Variants in ARHGEF3 observed in about 807,000 individuals in gnomAD.
ARHGEF3 encodes the protein Rho guanine nucleotide exchange factor 3.
A neutral mutation model predicts 63.2 loss-of-function variants in ARHGEF3; 28 were observed. The ratio of observed to expected loss-of-function variants is 0.44; its 90% CI spans 0.33 to 0.61. The LOEUF is 0.61. Among genes scored for constraint, ARHGEF3 ranks in the 20% least tolerant of loss-of-function variants. The pLI, the probability that ARHGEF3 is intolerant of heterozygous loss-of-function variation, is 0.03. For synonymous variants in ARHGEF3, 266 were observed against 254.2 expected, an observed-to-expected ratio of 1.05 and a Z score of -0.44; for missense variants, 533 against 659.3, an observed-to-expected ratio of 0.81 and a Z score of 2.10.
intron 8 of ARHGEF3, among the ~76,000 whole-genome samples, chr3:56,736,625 T>C (rs2033641811): frequency 6.6e-6 from 1 of 152,226 alleles, no homozygotes; most frequent in African/African-American, 2.4e-5. Flanking sequence ...GTTCTGCATT[T>C]GTTTCTCAAA....
At chr3:57,042,673 TATATATA>T (rs1704246567) in intron 1 of ARHGEF3, among the ~76,000 whole-genome samples, 1 of 37,676 alleles carries the variant, frequency 2.7e-5, no homozygotes, top group African/African-American at 1.0e-4. Context: ...TATATATATA[TATATATA>T]TATATATATA....
At chr3:56,916,049 A>G (rs2041980040) in intron 3 of ARHGEF3, among the ~76,000 whole-genome samples, 1 of 152,072 alleles carries the variant, frequency 6.6e-6, no homozygotes, top group Admixed American at 6.6e-5. Flanking sequence ...TATGCACGCC[A>G]CTCAGCTCAC....
At chr3:56,870,680 T>C (rs1480547600) in intron 4 of ARHGEF3, among the ~76,000 whole-genome samples, 1 of 152,114 alleles carries the variant, frequency 6.6e-6, no homozygotes. Flanking sequence ...GCCACTCTGA[T>C]GGAAACTGTT....
At chr3:56,751,476 G>C in intron 4 of ARHGEF3, 80 bp from the exon 5 acceptor site, 1 of 1,175,522 alleles carries the variant, frequency 8.5e-7, no homozygotes, top group East Asian at 2.5e-5. Context: ...GCTCCTGAGA[G>C]GTCCTATCCA....
chr3:56,762,169 T>C (rs1210032092), intron 2 of ARHGEF3, among the ~76,000 whole-genome samples: 1 of 152,096 alleles, frequency 6.6e-6, no homozygotes, highest in Non-Finnish European at 1.5e-5. Context: ...CCACGGTAAC[T>C]AGAAGAGGCC....
intron 4 of ARHGEF3, among the ~76,000 whole-genome samples, chr3:56,840,234 TCAA>T (rs1489212569): frequency 6.6e-6 from 1 of 151,982 alleles, no homozygotes; most frequent in Non-Finnish European, 1.5e-5. Flanking sequence ...CCAACAACAG[TCAA>T]CAACAGGAAA....
At position 57,040,325 on chromosome 3, in the gene ARHGEF3, A is replaced by G. The variant is rs562328437; in HGVS notation, c.-27-5149T>C. Among the ~76,000 whole-genome samples the G allele has an allele frequency of 2.4e-3, 359 of 151,748 alleles. 1 individual carries two copies. The highest frequency in any genetic ancestry group is 4.2e-3 in the Non-Finnish European group (285 of 67,842). On this transcript the variant is annotated intron_variant, in intron 1 of 12. Transcript: ENST00000338458. ...ACCCCATCTCTACTAAAAATACAAAAAATTAGCCAGCCGTGGTGGCACGCA... is the reference window on the plus strand; with the variant it reads ...ACCCCATCTCTACTAAAAATACAAAGAATTAGCCAGCCGTGGTGGCACGCA...
intron 3 of ARHGEF3, among the ~76,000 whole-genome samples, chr3:56,904,766 G>T (rs1324144628): frequency 6.6e-6 from 1 of 151,984 alleles, no homozygotes; most frequent in Non-Finnish European, 1.5e-5. Context: ...GGACTCCTAG[G>T]GCTCCTCAGA....
chr3:56,859,314 T>C (rs1246887867), intron 4 of ARHGEF3, among the ~76,000 whole-genome samples: 1 of 151,406 alleles, frequency 6.6e-6, no homozygotes, highest in African/African-American at 2.4e-5. Flanking sequence ...ATTTTTTGTA[T>C]TTTTTTAGTA....
At chr3:56,834,902 G>T (rs2039057883) in intron 4 of ARHGEF3, among the ~76,000 whole-genome samples, 1 of 152,054 alleles carries the variant, frequency 6.6e-6, no homozygotes, top group Non-Finnish European at 1.5e-5. Context: ...ATTTGGCAGG[G>T]CTATACTCCA....
chr3:56,768,338 TG>T (rs2035823901), intron 2 of ARHGEF3, among the ~76,000 whole-genome samples: 1 of 151,840 alleles, frequency 6.6e-6, no homozygotes. Flanking sequence ...AGATTACAGG[TG>T]TGAGCCACTA....
At chr3:56,989,627 T>G (rs1701671644) in intron 2 of ARHGEF3, among the ~76,000 whole-genome samples, 1 of 152,136 alleles carries the variant, frequency 6.6e-6, no homozygotes, top group Non-Finnish European at 1.5e-5. Flanking sequence ...ACGCCCAGAC[T>G]CAAGCCCAGG....
At chr3:57,079,258 C>A (rs572599116) in exon 1 of ARHGEF3, 1 of 375,858 alleles carries the variant, frequency 2.7e-6, no homozygotes, top group East Asian at 3.8e-5. Flanking sequence ...CCTCTCCAGG[C>A]TGGAAAACTC....
chr3:56,945,838 G>A (rs1323455200), intron 3 of ARHGEF3, among the ~76,000 whole-genome samples: 4 of 152,172 alleles, frequency 2.6e-5, no homozygotes, highest in Admixed American at 1.3e-4. Flanking sequence ...TCCTCAAGTG[G>A]GTCCCTGACC....
chr3:56,885,775 T>G (rs1046912913), intron 3 of ARHGEF3, among the ~76,000 whole-genome samples: 1 of 152,230 alleles, frequency 6.6e-6, no homozygotes, highest in Non-Finnish European at 1.5e-5. Flanking sequence ...ATGATCTCCT[T>G]AAGGAACCCA....
chr3:56,752,696 C>A (rs567710996), intron 4 of ARHGEF3, among the ~76,000 whole-genome samples: 10 of 152,302 alleles, frequency 6.6e-5, no homozygotes, highest in African/African-American at 1.9e-4. Flanking sequence ...GAGTTAGACA[C>A]CAGCATGATA....
chr3:56,954,301 G>A (rs532596313), intron 3 of ARHGEF3, among the ~76,000 whole-genome samples: 2 of 152,266 alleles, frequency 1.3e-5, no homozygotes, highest in South Asian at 4.1e-4. Flanking sequence ...TCTTCCTTGA[G>A]CCTCAGTGCC....
chr3:57,034,460 A>G (rs1274226078), intron 2 of ARHGEF3, among the ~76,000 whole-genome samples: 1 of 152,114 alleles, frequency 6.6e-6, no homozygotes, highest in Non-Finnish European at 1.5e-5. Flanking sequence ...TTTGGAATGA[A>G]TGTCCATAGT....
At chr3:56,960,136 T>C (rs1201878874) in intron 2 of ARHGEF3, among the ~76,000 whole-genome samples, 4 of 149,876 alleles carry the variant, frequency 2.7e-5, no homozygotes, top group Non-Finnish European at 4.5e-5. Context: ...TGCTCTACCA[T>C]ACAAAAGAGA....
Sources: allele counts gnomAD v4.1 joint callset (sites outside exome capture counted in the v4.1 genomes callset), GRCh38; gene constraint gnomAD v4.1.1; transcripts MANE v1.5; gene names NCBI Gene and HGNC (gene_info 2026-07-23, HGNC 2026-07-21).